Variants in FSIP2 observed in about 807,000 individuals in gnomAD.
FSIP2 encodes the protein fibrous sheath-interacting protein 2.
Under a neutral mutation model 510.5 loss-of-function variants are expected in FSIP2, and 367 were observed. That is an observed-to-expected ratio of 0.72 (90% CI 0.66 to 0.78). The LOEUF is 0.78. FSIP2 is among the 30% of genes least tolerant of loss of function. FSIP2 has a pLI of 0.00. For synonymous variants in FSIP2, 2,601 were observed against 2,732.2 expected, an observed-to-expected ratio of 0.95 and a Z score of 1.50; for missense variants, 7,594 against 7,901.7, an observed-to-expected ratio of 0.96 and a Z score of 1.48.
At position 185,791,507 on chromosome 2, in the gene FSIP2, T is replaced by A; in HGVS notation, c.4371T>A (p.Ser1457=). ...GGACCCATCTTCATTCTCAGCTATC[T>A]TGTAGTCAACAAAGCAGAGAGATGA... The part of the protein sequence containing the change: ...LLGTHLHSQL[S]CSQQSREMTN... The change falls in exon 16 of 23, where the codon TCT becomes TCA. Residue 1457 remains serine, a synonymous_variant. Coordinates refer to ENST00000424728, the MANE Select transcript of FSIP2 (RefSeq NM_173651.4). The A allele has an allele frequency of 6.5e-7, 1 of 1,534,452 alleles. No homozygotes were observed. The highest frequency in any genetic ancestry group is 8.7e-7 in the Non-Finnish European group (1 of 1,145,692).
Position 185,794,820 on chromosome 2 carries a change from A to G in FSIP2, c.7684A>G (p.Asn2562Asp). The G allele has an allele frequency of 6.5e-7, 1 of 1,532,534 alleles. No homozygotes were observed. Among genetic ancestry groups the G allele is most frequent in the Non-Finnish European group, 8.7e-7 (1 of 1,144,536 alleles). 94.9% of individuals were successfully genotyped at this position (1,532,534 alleles called of 1,614,324 possible). A position where few individuals can be genotyped will look rare whatever the true frequency, so the allele number is the denominator to read the frequency against. The change falls in exon 16 of 23, where the codon AAT becomes GAT. Residue 2562 changes from asparagine (N) to aspartate (D), a missense_variant. Physicochemically the swap from Asn to Asp is conservative, Grantham distance 23. Coordinates refer to ENST00000424728, the MANE Select transcript of FSIP2 (RefSeq NM_173651.4). ...AGTTGTGACATCATTATATGAAAAT[A>G]ATAAAAGTAGGACAGAAGTTGAAAT... ...LVVVTSLYENNKSRTEVEISD... is the reference protein window; with the variant it reads ...LVVVTSLYENDKSRTEVEISD...
intron 18 of FSIP2, among the ~76,000 whole-genome samples, chr2:185,815,056 C>G (rs1472613709): frequency 6.6e-6 from 1 of 151,912 alleles, no homozygotes; most frequent in African/African-American, 2.4e-5. Context: ...CCTCTTTTTG[C>G]CCTCAGTAAT....
At chr2:185,760,101 A>G (rs10931194) in intron 9 of FSIP2, among the ~76,000 whole-genome samples, 81,817 of 150,188 alleles carry the variant, frequency 0.54, 22,525 homozygotes, top group South Asian at 0.64. Flanking sequence ...ATTATCTGTA[A>G]ATTCTATTTT....
Position 185,738,874 on chromosome 2 carries a change from G to T in FSIP2, c.-21G>T. 6.6e-7 allele frequency: 1 copy of T among 1,518,102 alleles called. No homozygotes were observed. Among genetic ancestry groups the T allele is most frequent in the Non-Finnish European group, 8.8e-7 (1 of 1,138,464 alleles). The allele number at this position is 1,518,102 out of a possible 1,614,324, so 94.0% of individuals were successfully genotyped here. A position where few individuals can be genotyped will look rare whatever the true frequency, so the allele number is the denominator to read the frequency against. ...GGAGAGCGGGGCGGGTGAGGAAGGGGCTGAGGGGGCTGTGCCGGCCATGGA... is the reference window on the plus strand; with the variant it reads ...GGAGAGCGGGGCGGGTGAGGAAGGGTCTGAGGGGGCTGTGCCGGCCATGGA... On this transcript the variant is annotated 5_prime_UTR_variant, in exon 1 of 23. Coordinates refer to ENST00000424728, the MANE Select transcript of FSIP2 (RefSeq NM_173651.4).
intron 14 of FSIP2, among the ~76,000 whole-genome samples, chr2:185,783,434 G>A (rs1692897979): frequency 6.6e-6 from 1 of 152,080 alleles, no homozygotes; most frequent in African/African-American, 2.4e-5. Context: ...AAATGAACAA[G>A]CCAAATGAAG....
At position 185,807,398 on chromosome 2, in the gene FSIP2, CA is replaced by C; in HGVS notation, c.18097del (p.Thr6033GlnfsTer12). 6.2e-7 allele frequency: 1 copy of C among 1,607,826 alleles called. No homozygotes were observed. The highest frequency in any genetic ancestry group is 8.5e-7 in the Non-Finnish European group (1 of 1,178,212). On this transcript the variant is annotated frameshift_variant, in exon 17 of 23. Coordinates refer to ENST00000424728, the MANE Select transcript of FSIP2 (RefSeq NM_173651.4). LOFTEE classifies it high-confidence loss of function. ...AAAATTTTCTCAACAATATCCAGCA[CA>C]AAAACAAAAGAACCTGAGGACAATT... ...FSKIFSTISS[T>X]KTKEPEDNLS...
At chr2:185,812,320 G>A (rs1693748601) in intron 17 of FSIP2, among the ~76,000 whole-genome samples, 1 of 152,088 alleles carries the variant, frequency 6.6e-6, no homozygotes, top group Non-Finnish European at 1.5e-5. Context: ...CTGGGTTTTG[G>A]ACTTGTTTGA....
chr2:185,764,272 G>A (rs188692556), intron 12 of FSIP2, among the ~76,000 whole-genome samples: 41 of 151,818 alleles, frequency 2.7e-4, no homozygotes, highest in African/African-American at 8.9e-4. Context: ...ATTACCAAAT[G>A]TGTAGGTGGT....
Position 185,808,051 on chromosome 2 carries a change from A to G in FSIP2, c.18745A>G (p.Ile6249Val). 1 of 1,611,144 alleles carries G rather than the reference A, an allele frequency of 6.2e-7. No individual in the cohort carries two copies. The highest frequency in any genetic ancestry group is 8.5e-7 in the Non-Finnish European group (1 of 1,178,856). ...PTVPVADNAT[I>V]ENIVNSIYTS... Reference sequence around the variant, plus strand: ...TGTGCCTGTAGCTGATAATGCAACTATTGAAAACATAGTTAATTCTATTTA... The same window carrying G: ...TGTGCCTGTAGCTGATAATGCAACTGTTGAAAACATAGTTAATTCTATTTA... The change falls in exon 17 of 23, where the codon ATT becomes GTT. Residue 6249 changes from isoleucine (I) to valine (V), a missense_variant. Physicochemically the swap from Ile to Val is conservative, Grantham distance 29. Coordinates refer to ENST00000424728, the MANE Select transcript of FSIP2 (RefSeq NM_173651.4).
In FSIP2 at chr2:185,790,087, G is replaced by T; in HGVS notation, c.2951G>T (p.Arg984Met). 6.5e-7 allele frequency: 1 copy of T among 1,533,678 alleles called. No individual in the cohort carries two copies. The highest frequency in any genetic ancestry group is 8.7e-7 in the Non-Finnish European group (1 of 1,145,398). ...LTGTRLSNSP[R>M]SGRPFPPINV... The stretch of plus-strand genomic sequence containing the variant: ...GGCACTAGATTATCAAATAGTCCTA[G>T]GTCTGGAAGACCATTTCCACCTATA... The change falls in exon 16 of 23, where the codon AGG becomes ATG. Residue 984 changes from arginine (R) to methionine (M), a missense_variant. Arg to Met is a moderately conservative substitution (Grantham distance 91). Transcript: ENST00000424728.
rs773297287 is a variant in FSIP2, at chr2:185,753,699, A to G, written c.871-23A>G. On this transcript the variant is annotated intron_variant, in intron 7 of 22. Coordinates refer to ENST00000424728, the MANE Select transcript of FSIP2 (RefSeq NM_173651.4). ...CTAAATGGCAAGTTAATATTAACCA[A>G]TATATTTTCTTTAATATTGTAGAAA... The G allele has an allele frequency of 8.2e-6, 8 of 980,338 alleles. No individual in the cohort carries two copies. In the South Asian group the frequency reaches 1.3e-4, roughly 17 times the overall value. 60.7% of individuals were successfully genotyped at this position (980,338 alleles called of 1,614,324 possible). A position where few individuals can be genotyped will look rare whatever the true frequency, so the allele number is the denominator to read the frequency against.
intron 13 of FSIP2, among the ~76,000 whole-genome samples, chr2:185,773,835 G>A (rs76122219): frequency 0.022 from 3,297 of 151,994 alleles, 98 homozygotes; most frequent in African/African-American, 0.069. Context: ...ATTGCATATC[G>A]GACAGTTTTA....
chr2:185,793,987 T>C lies in FSIP2; in HGVS notation c.6851T>C (p.Phe2284Ser), dbSNP rs185830806. The C allele has an allele frequency of 1.2e-4, 189 of 1,532,492 alleles. 2 individuals carry two copies. In the East Asian group the frequency reaches 4.5e-3, roughly 36 times the overall value. 94.9% of individuals were successfully genotyped at this position (1,532,492 alleles called of 1,614,324 possible). A position where few individuals can be genotyped will look rare whatever the true frequency, so the allele number is the denominator to read the frequency against. The change falls in exon 16 of 23, where the codon TTT (phenylalanine) becomes TCT (serine). Residue 2284 changes from phenylalanine (F) to serine (S), a missense_variant. By Grantham distance (155) the Phe-to-Ser change is radical. Transcript: ENST00000424728. The part of the protein sequence containing the change: ...TLAFQSKEKS[F>S]VIPELENCKQ... ...GCTTTCCAAAGTAAAGAAAAGTCAT[T>C]TGTTATCCCAGAATTGGAAAATTGT...
chr2:185,789,129 A>C lies in FSIP2; in HGVS notation c.1993A>C (p.Thr665Pro), dbSNP rs1478664166. 2.6e-6 allele frequency: 4 copies of C among 1,535,204 alleles called. No individual in the cohort carries two copies. In the South Asian group the frequency reaches 4.8e-5, roughly 18 times the overall value. The change falls in exon 16 of 23, where the codon ACT (threonine) becomes CCT (proline). Residue 665 changes from threonine to proline, a missense_variant. Transcript: ENST00000424728. ...TGTKKSKDAT[T>P]ETDSLGSSLH... ...CACAAAAAAATCTAAGGATGCTACCACTGAAACAGATAGCTTAGGGAGTTC... is the reference window on the plus strand; with the variant it reads ...CACAAAAAAATCTAAGGATGCTACCCCTGAAACAGATAGCTTAGGGAGTTC...
chr2:185,825,373 T>C (rs1054368022), intron 20 of FSIP2, among the ~76,000 whole-genome samples: 1 of 151,700 alleles, frequency 6.6e-6, no homozygotes, highest in African/African-American at 2.4e-5. Flanking sequence ...CCATCCAACA[T>C]TCCTCTGAGT....
chr2:185,743,616 A>G (rs932350121), intron 3 of FSIP2, among the ~76,000 whole-genome samples: 6 of 152,152 alleles, frequency 3.9e-5, no homozygotes, highest in African/African-American at 1.4e-4. Context: ...GGCACTGTAT[A>G]CTTGTCAAGA....
In FSIP2 at chr2:185,803,217, G is replaced by C; in HGVS notation, c.13911G>C (p.Arg4637Ser). ...ISGVLRKIFH[R>S]VVGIVQTKSI... is the part of the protein sequence containing the mutation. ...GGGTTTTAAGAAAAATATTCCACAG[G>C]GTAGTAGGCATTGTACAAACAAAAT... Residue 4637 changes from arginine (R) to serine (S), a missense_variant, in exon 17 of 23, where the codon AGG becomes AGC. Coordinates refer to ENST00000424728, the MANE Select transcript of FSIP2 (RefSeq NM_173651.4). 1 of 1,531,826 alleles carries C rather than the reference G, an allele frequency of 6.5e-7. No individual in the cohort carries two copies. Among genetic ancestry groups the C allele is most frequent in the Non-Finnish European group, 8.7e-7 (1 of 1,144,548 alleles). The allele number at this position is 1,531,826 out of a possible 1,614,324, so 94.9% of individuals were successfully genotyped here.
chr2:185,807,120 A>G lies in FSIP2; in HGVS notation c.17814A>G (p.Ile5938Met), dbSNP rs1442620931. 1 of 1,600,766 alleles carries G rather than the reference A, an allele frequency of 6.2e-7. No individual in the cohort carries two copies. The highest frequency in any genetic ancestry group is 2.2e-5 in the East Asian group (1 of 44,762). Residue 5938 changes from isoleucine to methionine, a missense_variant, in exon 17 of 23, where the codon ATA (isoleucine) becomes ATG (methionine). Transcript: ENST00000424728. The part of the protein sequence containing the change: ...YGSQDSIWKN[I>M]NSNGENLARR... ...CTCAAGACTCTATTTGGAAGAATAT[A>G]AACAGTAATGGAGAAAATTTAGCAA...
chr2:185,744,979 GT>G lies in FSIP2; in HGVS notation c.478-449del, dbSNP rs1290806118. On this transcript the variant is annotated intron_variant, in intron 4 of 22. Transcript: ENST00000424728. ...TGACTTAAAGGTGTGTGTGTGTGGGGTGTGTGTGTGTGTGTGTGTTTGTGTG... is the reference window on the plus strand; with the variant it reads ...TGACTTAAAGGTGTGTGTGTGTGGGGGTGTGTGTGTGTGTGTGTTTGTGTG... 4.3e-3 allele frequency: 82 copies of G among 18,912 alleles called. 1 individual carries two copies. Among genetic ancestry groups the G allele is most frequent in the South Asian group, 0.016 (6 of 378 alleles). 1.2% of individuals were successfully genotyped at this position (18,912 alleles called of 1,614,324 possible). A position where few individuals can be genotyped will look rare whatever the true frequency, so the allele number is the denominator to read the frequency against.
Sources: allele counts gnomAD v4.1 joint callset (sites outside exome capture counted in the v4.1 genomes callset), GRCh38; gene constraint gnomAD v4.1.1; transcripts MANE v1.5; gene names NCBI Gene and HGNC (gene_info 2026-07-23, HGNC 2026-07-21).